Variants in TCERG1L observed in about 807,000 individuals in gnomAD.
TCERG1L encodes the protein transcription elongation regulator 1 like.
In TCERG1L, 37 loss-of-function variants were observed where a neutral mutation model predicts 56.3. The observed-to-expected ratio is 0.66, with a 90% CI of 0.51 to 0.87. The LOEUF is 0.87. TCERG1L is among the 40% of genes least tolerant of loss of function. The probability of loss-of-function intolerance (pLI) is 0.00; values close to 1 mark genes in which losing one functional copy is unlikely to be tolerated. For missense variants in TCERG1L, 799 were observed against 774.2 expected (o/e 1.03, Z -0.38); for synonymous variants, 324 against 326.3 (o/e 0.99, Z 0.08).
intron 6 of TCERG1L, among the ~76,000 whole-genome samples, chr10:131,151,503 C>T (rs1267232224): frequency 2.6e-5 from 4 of 152,212 alleles, no homozygotes; most frequent in Non-Finnish European, 5.9e-5. Context: ...ATGCAAGAGG[C>T]GTGCTCCCTC....
At position 131,135,450 on chromosome 10, in the gene TCERG1L, C is replaced by A. The variant is rs563934957; in HGVS notation, c.1190-1002G>T. On this transcript the variant is annotated intron_variant, in intron 7 of 11. Transcript: ENST00000368642. ...GTTTCAACAATCGCAGGGGCCTCTG[C>A]ACATTTTCTTTCTATAAAACCCGAC... Among the ~76,000 whole-genome samples, 19 of 152,318 alleles carry A rather than the reference C, an allele frequency of 1.2e-4. No individual in the cohort carries two copies. The South Asian group carries it at 2.3e-3, about 18-fold the overall frequency.
chr10:131,186,875 C>T (rs1306453090), intron 4 of TCERG1L, among the ~76,000 whole-genome samples: 1 of 152,198 alleles, frequency 6.6e-6, no homozygotes, highest in African/African-American at 2.4e-5. Flanking sequence ...GATAATGTCT[C>T]GATTTACCCC....
intron 4 of TCERG1L, among the ~76,000 whole-genome samples, chr10:131,204,765 G>A (rs1465525081): frequency 2.6e-5 from 4 of 152,252 alleles, no homozygotes; most frequent in African/African-American, 4.8e-5. Flanking sequence ...CAGTGGACTT[G>A]TCCCTCAGCC....
intron 4 of TCERG1L, among the ~76,000 whole-genome samples, chr10:131,223,252 G>A (rs1004409821): frequency 1.3e-5 from 2 of 152,170 alleles, no homozygotes; most frequent in East Asian, 3.9e-4. Flanking sequence ...TCTCTTCCTC[G>A]GCCCCCGGGG....
chr10:131,291,466 T>G (rs1259650537), intron 3 of TCERG1L, among the ~76,000 whole-genome samples: 70 of 127,150 alleles, frequency 5.5e-4, no homozygotes, highest in East Asian at 1.7e-3. Flanking sequence ...TCGCTGTGTC[T>G]CCCAGGTTGG....
chr10:131,100,742 A>G lies in TCERG1L; in HGVS notation c.1486-2318T>C, dbSNP rs1017732232. On this transcript the variant is annotated intron_variant, in intron 10 of 11. Transcript: ENST00000368642. ...CCAGGGGCCTTAGCTTTCCCCATGAAAACGCTGTGTGACACCAGGTCCTGT... is the reference window on the plus strand; with the variant it reads ...CCAGGGGCCTTAGCTTTCCCCATGAGAACGCTGTGTGACACCAGGTCCTGT... Among the ~76,000 whole-genome samples the G allele has an allele frequency of 5.9e-5, 9 of 152,272 alleles. No homozygotes were observed. The East Asian group carries it at 9.6e-4, about 16-fold the overall frequency.
intron 9 of TCERG1L, among the ~76,000 whole-genome samples, chr10:131,112,482 G>A (rs1018488531): frequency 7.0e-6 from 1 of 142,116 alleles, no homozygotes; most frequent in Admixed American, 6.9e-5. Flanking sequence ...GAAACTGCCT[G>A]GCTATTCTTC....
rs1845815152 is a variant in TCERG1L at position 131,228,226 on chromosome 10, GGCCTCCGGA to G, written c.856+32024_856+32032del. The stretch of plus-strand genomic sequence containing the variant: ...CCCCTCCAGACAGGCATTTCCTCAA[GGCCTCCGGA>G]GTCTCCCCTCCAGACAGGCATTTCC... On this transcript the variant is annotated intron_variant, in intron 4 of 11. Coordinates refer to ENST00000368642, the MANE Select transcript of TCERG1L (RefSeq NM_174937.4). 1.8e-3 allele frequency among the ~76,000 whole-genome samples: 242 copies of G among 136,842 alleles called. 6 individuals carry two copies. The highest frequency in any genetic ancestry group is 6.2e-3 in the African/African-American group (224 of 36,032). The allele number at this position is 136,842 out of a possible 152,430, so 89.8% of individuals were successfully genotyped here.
chr10:131,284,066 C>T (rs1258024510), intron 3 of TCERG1L, among the ~76,000 whole-genome samples: 1 of 147,222 alleles, frequency 6.8e-6, no homozygotes, highest in African/African-American at 2.5e-5. Flanking sequence ...GGCGAGGCTG[C>T]AGTGAGCCAA....
intron 6 of TCERG1L, among the ~76,000 whole-genome samples, chr10:131,152,747 T>A (rs1206740771): frequency 6.6e-6 from 1 of 152,210 alleles, no homozygotes; most frequent in Admixed American, 6.5e-5. Flanking sequence ...GGGTAATTTA[T>A]AATGAAGAGA....
intron 4 of TCERG1L, among the ~76,000 whole-genome samples, chr10:131,170,111 T>C (rs11017781): frequency 0.28 from 41,965 of 152,100 alleles, 7,131 homozygotes; most frequent in Non-Finnish European, 0.37. Context: ...AATAGTTTTC[T>C]TAATAACCGG....
intron 4 of TCERG1L, among the ~76,000 whole-genome samples, chr10:131,244,178 G>A (rs530616829): frequency 6.6e-6 from 1 of 152,032 alleles, no homozygotes; most frequent in African/African-American, 2.4e-5. Flanking sequence ...TGCCCGTGGG[G>A]TGGAGGCCCG....
chr10:131,240,364 C>T (rs898214590), intron 4 of TCERG1L, among the ~76,000 whole-genome samples: 1 of 151,766 alleles, frequency 6.6e-6, no homozygotes, highest in Non-Finnish European at 1.5e-5. Flanking sequence ...TTCATGCATG[C>T]ATGTATTGGG....
chr10:131,261,741 G>C (rs1425357787), intron 3 of TCERG1L, among the ~76,000 whole-genome samples: 1 of 152,330 alleles, frequency 6.6e-6, no homozygotes, highest in East Asian at 1.9e-4. Context: ...TTCCTCCCAG[G>C]TAGGGAAGAG....
chr10:131,279,170 GC>G (rs983549804), intron 3 of TCERG1L, among the ~76,000 whole-genome samples: 4 of 152,164 alleles, frequency 2.6e-5, no homozygotes, highest in Non-Finnish European at 5.9e-5. Context: ...CACAGGGAAG[GC>G]CCCGATACAG....
At chr10:131,264,096 C>A (rs1846261138) in intron 3 of TCERG1L, among the ~76,000 whole-genome samples, 1 of 151,536 alleles carries the variant, frequency 6.6e-6, no homozygotes, top group South Asian at 2.1e-4. Flanking sequence ...TAACATCCCC[C>A]TGCACTCCCC....
chr10:131,207,618 A>G (rs928755887), intron 4 of TCERG1L, among the ~76,000 whole-genome samples: 2 of 152,210 alleles, frequency 1.3e-5, no homozygotes, highest in Non-Finnish European at 2.9e-5. Flanking sequence ...CTGAATATGG[A>G]GAAAGCTTCC....
chr10:131,119,883 G>C (rs1000289980), intron 8 of TCERG1L, among the ~76,000 whole-genome samples: 1 of 152,198 alleles, frequency 6.6e-6, no homozygotes, highest in Non-Finnish European at 1.5e-5. Flanking sequence ...CAGAAGCCTC[G>C]TTAAGGGAAC....
At chr10:131,140,279 C>A (rs1191321394) in intron 7 of TCERG1L, among the ~76,000 whole-genome samples, 3 of 152,142 alleles carry the variant, frequency 2.0e-5, no homozygotes, top group Non-Finnish European at 4.4e-5. Flanking sequence ...GCAGGTGATA[C>A]CCCCACCCCT....
Sources: gnomAD v4.1 joint callset for allele counts (sites outside exome capture counted in the v4.1 genomes callset) on GRCh38, gnomAD v4.1.1 for gene constraint, MANE v1.5 for transcripts, NCBI Gene and HGNC (gene_info 2026-07-23, HGNC 2026-07-21) for gene names.